XRCC2: variants seen among roughly 807,000 people sequenced by gnomAD.
The protein encoded by XRCC2 is DNA repair protein XRCC2.
XRCC2 carries 24 observed loss-of-function variants against 27.3 expected under a neutral mutation model. That is an observed-to-expected ratio of 0.88 (90% CI 0.64 to 1.24). The LOEUF is 1.24. Ranked by LOEUF, XRCC2 falls within the 50% of genes most tolerant of loss-of-function variation. The probability of loss-of-function intolerance (pLI) is 0.00; values close to 1 mark genes in which losing one functional copy is unlikely to be tolerated. For synonymous variants in XRCC2, 106 were observed against 115.4 expected, an observed-to-expected ratio of 0.92 and a Z score of 0.52; for missense variants, 321 against 325.8, an observed-to-expected ratio of 0.99 and a Z score of 0.11.
intron 1 of XRCC2, among the ~76,000 whole-genome samples, chr7:152,674,860 T>G (rs1391191630): frequency 6.7e-6 from 1 of 149,690 alleles, no homozygotes; most frequent in Non-Finnish European, 1.5e-5. Flanking sequence ...ACAGGGATTA[T>G]CAAACTATGG....
intron 1 of XRCC2, among the ~76,000 whole-genome samples, chr7:152,665,966 C>A (rs2098035446): frequency 6.6e-6 from 1 of 152,090 alleles, no homozygotes; most frequent in Admixed American, 6.6e-5. Context: ...TTTAACCCAA[C>A]CAACATATGA....
At position 152,660,908 on chromosome 7, in the gene XRCC2, C is replaced by A. The variant is rs544036151; in HGVS notation, c.40-126G>T. 12 of 765,560 alleles carry A rather than the reference C, an allele frequency of 1.6e-5. No homozygotes were observed. The East Asian group carries it at 3.3e-4, about 21-fold the overall frequency. The allele number at this position is 765,560 out of a possible 1,614,324, so 47.4% of individuals were successfully genotyped here. ...TTTAGGCTGGGTGCTGTGGCTCACA[C>A]CTGTAATCCCAATACTTTGGGAGGC... On this transcript the variant is annotated intron_variant, in intron 1 of 2. Coordinates refer to ENST00000359321, the MANE Select transcript of XRCC2 (RefSeq NM_005431.2).
chr7:152,675,237 A>G (rs1259811277), intron 1 of XRCC2, among the ~76,000 whole-genome samples: 1 of 152,000 alleles, frequency 6.6e-6, no homozygotes, highest in African/African-American at 2.4e-5. Context: ...TCCGCTCTGA[A>G]TGTCATCCTC....
intron 2 of XRCC2, among the ~76,000 whole-genome samples, chr7:152,657,960 G>GT (rs200730687): frequency 1.5e-4 from 21 of 136,284 alleles, no homozygotes; most frequent in African/African-American, 5.6e-4. Flanking sequence ...TTTTGTCTTT[G>GT]TTTTTTTTTT....
intron 1 of XRCC2, among the ~76,000 whole-genome samples, chr7:152,661,717 G>A (rs890742022): frequency 2.6e-5 from 4 of 152,226 alleles, no homozygotes; most frequent in Non-Finnish European, 5.9e-5. Context: ...TCAGAGCATG[G>A]AAGGGCTCAG....
Position 152,655,073 on chromosome 7 carries a change from A to G in XRCC2, c.121+5628T>C, listed in dbSNP as rs145883539. Among the ~76,000 whole-genome samples, 238 of 152,316 alleles carry G rather than the reference A, an allele frequency of 1.6e-3. 2 individuals carry two copies. The highest frequency in any genetic ancestry group is 4.6e-3 in the East Asian group (24 of 5,188). On this transcript the variant is annotated intron_variant, in intron 2 of 2. Coordinates refer to ENST00000359321, the MANE Select transcript of XRCC2 (RefSeq NM_005431.2). The stretch of plus-strand genomic sequence containing the variant: ...CTGCTACAGCATCCTTGTCCAGCCA[A>G]ATTATGGAACGTGACAACTCGCAGT...
rs1064795954 is a variant in XRCC2, at chr7:152,648,755, G to C, written c.730C>G (p.Gln244Glu). 1.9e-6 allele frequency: 3 copies of C among 1,614,164 alleles called. No homozygotes were observed. Among genetic ancestry groups the C allele is most frequent in the Non-Finnish European group, 2.5e-6 (3 of 1,180,030 alleles). ...TGGTTGCTGCTTTGAGAATCATCTTGTTTGGAGAAAAACATCCTGTGCTTC... is the reference window on the plus strand; with the variant it reads ...TGGTTGCTGCTTTGAGAATCATCTTCTTTGGAGAAAAACATCCTGTGCTTC... ...LVKHRMFFSK[Q>E]DDSQSSNQFS... is the part of the protein sequence containing the mutation. Residue 244 changes from glutamine (Q) to glutamate (E), a missense_variant, in exon 3 of 3, where the codon CAA (glutamine) becomes GAA (glutamate). Physicochemically the swap from Gln to Glu is conservative, Grantham distance 29. Coordinates refer to ENST00000359321, the MANE Select transcript of XRCC2 (RefSeq NM_005431.2).
intron 1 of XRCC2, among the ~76,000 whole-genome samples, chr7:152,663,790 G>C (rs531029777): frequency 3.2e-4 from 48 of 152,076 alleles, no homozygotes; most frequent in Middle Eastern, 3.4e-3. Flanking sequence ...AGTGAGTCAA[G>C]ATTATGCCAC....
intron 1 of XRCC2, among the ~76,000 whole-genome samples, chr7:152,663,575 G>A (rs1044260362): frequency 4.6e-5 from 7 of 151,750 alleles, no homozygotes; most frequent in Non-Finnish European, 1.0e-4. Flanking sequence ...ACAGTGGCTC[G>A]CGCCTGTAAT....
At chr7:152,666,414 G>A (rs2098035677) in intron 1 of XRCC2, among the ~76,000 whole-genome samples, 1 of 151,968 alleles carries the variant, frequency 6.6e-6, no homozygotes, top group Admixed American at 6.6e-5. Context: ...GTCTCCCTAT[G>A]TTGTCCAGGC....
chr7:152,652,405 G>C (rs560182735), intron 2 of XRCC2, among the ~76,000 whole-genome samples: 7 of 152,000 alleles, frequency 4.6e-5, no homozygotes, highest in Non-Finnish European at 7.4e-5. Context: ...AGCGCAGACG[G>C]GGAAACCAAG....
At chr7:152,652,360 T>C (rs2098028909) in intron 2 of XRCC2, among the ~76,000 whole-genome samples, 1 of 152,076 alleles carries the variant, frequency 6.6e-6, no homozygotes, top group Non-Finnish European at 1.5e-5. Context: ...CATCTTTTAC[T>C]GCCCTATGTG....
At chr7:152,660,869 T>A in intron 1 of XRCC2, 87 bp from the exon 2 acceptor site, 1 of 1,168,928 alleles carries the variant, frequency 8.6e-7, no homozygotes. Flanking sequence ...CGAAAGTCTG[T>A]AAGATTTCAT....
intron 2 of XRCC2, among the ~76,000 whole-genome samples, chr7:152,657,554 G>A (rs1474560290): frequency 1.3e-5 from 2 of 152,148 alleles, no homozygotes; most frequent in African/African-American, 4.8e-5. Flanking sequence ...GCCTCCCAAA[G>A]TGCTGGATTA....
At chr7:152,659,246 A>C (rs776479094) in intron 2 of XRCC2, among the ~76,000 whole-genome samples, 1 of 152,188 alleles carries the variant, frequency 6.6e-6, no homozygotes, top group Non-Finnish European at 1.5e-5. Context: ...ATAAAAAGTT[A>C]TATGTGCTTA....
At chr7:152,669,535 T>C (rs1279297166) in intron 1 of XRCC2, among the ~76,000 whole-genome samples, 1 of 152,044 alleles carries the variant, frequency 6.6e-6, no homozygotes, top group Non-Finnish European at 1.5e-5. Flanking sequence ...CCTGAGTAGC[T>C]GGGATTACAG....
At position 152,648,878 on chromosome 7, in the gene XRCC2, A is replaced by G; in HGVS notation, c.607T>C (p.Ser203Pro). ...TGAGAAGGTTCTTCTGATGAGCTCG[A>G]GGCTTTCTGCATTATAGTTTGTGTC... ...ATTQTIMQKASSSSEEPSHAS... is the reference protein window; with the variant it reads ...ATTQTIMQKAPSSSEEPSHAS... Residue 203 changes from serine (S) to proline (P), a missense_variant, in exon 3 of 3, where the codon TCG (serine) becomes CCG (proline). Ser to Pro is a moderately conservative substitution (Grantham distance 74). Coordinates refer to ENST00000359321, the MANE Select transcript of XRCC2 (RefSeq NM_005431.2). The G allele has an allele frequency of 1.2e-6, 2 of 1,614,120 alleles. No individual in the cohort carries two copies. Among genetic ancestry groups the G allele is most frequent in the Non-Finnish European group, 8.5e-7 (1 of 1,179,994 alleles).
At position 152,649,286 on chromosome 7, in the gene XRCC2, G is replaced by A. The variant is rs757259215; in HGVS notation, c.199C>T (p.Leu67Phe). Residue 67 changes from leucine (L) to phenylalanine (F), a missense_variant, in exon 3 of 3, where the codon CTT becomes TTT. Leu to Phe is a conservative substitution (Grantham distance 22). Coordinates refer to ENST00000359321, the MANE Select transcript of XRCC2 (RefSeq NM_005431.2). ...TCCAGGCCACCTTCTGATTTGGGAA[G>A]TATACATCGTGCTGTTAGGTGATAA... ...MLYHLTARCI[L>F]PKSEGGLEVE... The A allele has an allele frequency of 6.2e-7, 1 of 1,613,470 alleles. No homozygotes were observed. Among genetic ancestry groups the A allele is most frequent in the Non-Finnish European group, 8.5e-7 (1 of 1,180,010 alleles).
intron 1 of XRCC2, among the ~76,000 whole-genome samples, chr7:152,674,364 C>A (rs1041667019): frequency 6.6e-6 from 1 of 152,050 alleles, no homozygotes; most frequent in Non-Finnish European, 1.5e-5. Context: ...ACCTGTAATC[C>A]CAGCACTCTG....
Sources: gnomAD v4.1 joint callset for allele counts (sites outside exome capture counted in the v4.1 genomes callset) on GRCh38, gnomAD v4.1.1 for gene constraint, MANE v1.5 for transcripts, NCBI Gene and HGNC (gene_info 2026-07-23, HGNC 2026-07-21) for gene names.